The following TAFA1 variants were observed in gnomAD, a reference collection of about 807,000 sequenced individuals.
TAFA1 encodes TAFA chemokine like family member 1, also known as chemokine-like protein TAFA-1.
TAFA1 carries 4 observed loss-of-function variants against 18.5 expected under a neutral mutation model. That is an observed-to-expected ratio of 0.22 (90% CI 0.11 to 0.49). The LOEUF is 0.49. TAFA1 is among the 20% of genes least tolerant of loss of function. The pLI is 0.98. For missense variants in TAFA1, 147 were observed against 169.0 expected (o/e 0.87, Z 0.72); for synonymous variants, 56 against 55.2 (o/e 1.01, Z -0.06).
In TAFA1 at chr3:68,323,383, C is replaced by G. The variant is rs560373025; in HGVS notation, c.119-93897C>G. On this transcript the variant is annotated intron_variant, in intron 2 of 4. Transcript: ENST00000478136. ...GGTTGAGGAGTCAGGAAAGAGGAGC[C>G]AACACAAATGTAAAGGAAAGCTGAA... Among the ~76,000 whole-genome samples, 4 of 152,208 alleles carry G rather than the reference C, an allele frequency of 2.6e-5. No individual in the cohort carries two copies. In the South Asian group the frequency reaches 8.3e-4, roughly 32 times the overall value.
chr3:68,045,296 T>C (rs1167141926), intron 2 of TAFA1, among the ~76,000 whole-genome samples: 24 of 152,064 alleles, frequency 1.6e-4, no homozygotes, highest in Non-Finnish European at 2.6e-4. Context: ...CTATAATCCA[T>C]TGACCAAAAA....
chr3:68,131,191 T>C (rs1162960935), intron 2 of TAFA1, among the ~76,000 whole-genome samples: 2 of 152,196 alleles, frequency 1.3e-5, no homozygotes, highest in African/African-American at 4.8e-5. Flanking sequence ...AAACCATAGC[T>C]AGTAATGGCT....
intron 2 of TAFA1, among the ~76,000 whole-genome samples, chr3:68,096,231 C>G (rs2065085287): frequency 6.6e-6 from 1 of 152,092 alleles, no homozygotes; most frequent in Non-Finnish European, 1.5e-5. Flanking sequence ...ATCTCCAGTT[C>G]CATTCCCATT....
chr3:68,204,334 T>C (rs2066501663), intron 2 of TAFA1, among the ~76,000 whole-genome samples: 1 of 151,822 alleles, frequency 6.6e-6, no homozygotes, highest in Non-Finnish European at 1.5e-5. Flanking sequence ...TTAGGAACTT[T>C]TCATCTGGTA....
At chr3:68,375,871 T>C (rs1469600149) in intron 2 of TAFA1, among the ~76,000 whole-genome samples, 1 of 152,194 alleles carries the variant, frequency 6.6e-6, no homozygotes, top group East Asian at 1.9e-4. Context: ...AGAAAACCTC[T>C]GATTTTAGCT....
intron 2 of TAFA1, among the ~76,000 whole-genome samples, chr3:68,168,958 A>T (rs970050908): frequency 8.5e-5 from 13 of 152,212 alleles, no homozygotes; most frequent in Admixed American, 6.5e-4. Flanking sequence ...TTATTATTGG[A>T]ATGCATGCCA....
intron 2 of TAFA1, among the ~76,000 whole-genome samples, chr3:68,079,160 C>A (rs2064864551): frequency 6.6e-6 from 1 of 151,974 alleles, no homozygotes; most frequent in Non-Finnish European, 1.5e-5. Flanking sequence ...TGGTGATATC[C>A]CCTTTATCAT....
rs536998263 is a variant in TAFA1 at position 68,017,060 on chromosome 3, C to G, written c.118+10316C>G. On this transcript the variant is annotated intron_variant, in intron 2 of 4. Transcript: ENST00000478136. ...GAGAAATGGTAACTAGAGGTCAGCCCTTTATAAAAATTGCGACTTTAAAAA... is the reference window on the plus strand; with the variant it reads ...GAGAAATGGTAACTAGAGGTCAGCCGTTTATAAAAATTGCGACTTTAAAAA... Among the ~76,000 whole-genome samples, 7 of 152,102 alleles carry G rather than the reference C, an allele frequency of 4.6e-5. No homozygotes were observed. In the South Asian group the frequency reaches 1.5e-3, roughly 32 times the overall value.
At chr3:68,193,162 T>G (rs977753051) in intron 2 of TAFA1, among the ~76,000 whole-genome samples, 1 of 151,736 alleles carries the variant, frequency 6.6e-6, no homozygotes, top group Admixed American at 6.6e-5. Flanking sequence ...CAAAGTAAGT[T>G]GGGATAGCAG....
At chr3:68,446,146 G>A (rs963269824) in intron 3 of TAFA1, among the ~76,000 whole-genome samples, 2 of 151,944 alleles carry the variant, frequency 1.3e-5, no homozygotes, top group African/African-American at 4.8e-5. Context: ...GCCTCAAGAC[G>A]TCCTCCCACC....
At chr3:68,538,502 A>G (rs2073312300) in intron 3 of TAFA1, among the ~76,000 whole-genome samples, 1 of 152,220 alleles carries the variant, frequency 6.6e-6, no homozygotes, top group African/African-American at 2.4e-5. Flanking sequence ...TCTTACTGTC[A>G]TAATTTTGAA....
intron 2 of TAFA1, among the ~76,000 whole-genome samples, chr3:68,129,545 T>A (rs904383905): frequency 6.6e-6 from 1 of 152,232 alleles, no homozygotes; most frequent in Admixed American, 6.5e-5. Flanking sequence ...CTTTCCATTT[T>A]ATTCTGAGAC....
intron 2 of TAFA1, among the ~76,000 whole-genome samples, chr3:68,376,041 T>C (rs1038641952): frequency 2.0e-5 from 3 of 152,186 alleles, no homozygotes; most frequent in Non-Finnish European, 4.4e-5. Flanking sequence ...CTTTATCTAT[T>C]GTTTGTCTTT....
Position 68,024,834 on chromosome 3 carries a change from A to ACACACACACACACAC in TAFA1, c.118+18090_118+18091insCACACACACACACAC, listed in dbSNP as rs33967574. On this transcript the variant is annotated intron_variant, in intron 2 of 4. Transcript: ENST00000478136. ...ACACACACACACACACACACACACA[A>ACACACACACACACAC]TTATACATTGTTAAGGTATTTAACA... 1.6e-3 allele frequency among the ~76,000 whole-genome samples: 228 copies of ACACACACACACACAC among 139,494 alleles called. 1 individual carries two copies. Among genetic ancestry groups the ACACACACACACACAC allele is most frequent in the Admixed American group, 3.0e-3 (42 of 14,044 alleles). The allele number at this position is 139,494 out of a possible 152,430, so 91.5% of individuals were successfully genotyped here. A position where few individuals can be genotyped will look rare whatever the true frequency, so the allele number is the denominator to read the frequency against.
intron 2 of TAFA1, among the ~76,000 whole-genome samples, chr3:68,087,251 T>A (rs930958231): frequency 6.6e-6 from 1 of 152,278 alleles, no homozygotes; most frequent in African/African-American, 2.4e-5. Context: ...GGGAAATAGA[T>A]GTTAATTTGG....
At chr3:68,262,900 G>A (rs373126633) in intron 2 of TAFA1, among the ~76,000 whole-genome samples, 1 of 152,114 alleles carries the variant, frequency 6.6e-6, no homozygotes, top group South Asian at 2.1e-4. Flanking sequence ...AATGTTGTAC[G>A]CATTTTAAAT....
chr3:68,441,406 G>T (rs1490069350), intron 3 of TAFA1, among the ~76,000 whole-genome samples: 1 of 152,092 alleles, frequency 6.6e-6, no homozygotes, highest in East Asian at 1.9e-4. Context: ...TTAGAGCAAA[G>T]CCCTGCCATC....
intron 2 of TAFA1, among the ~76,000 whole-genome samples, chr3:68,261,013 C>A (rs1411079144): frequency 6.6e-6 from 1 of 151,906 alleles, no homozygotes; most frequent in Non-Finnish European, 1.5e-5. Context: ...ATTTTTGCAA[C>A]CTACTCATCT....
intron 2 of TAFA1, among the ~76,000 whole-genome samples, chr3:68,097,627 G>A (rs2065101195): frequency 6.6e-6 from 1 of 152,154 alleles, no homozygotes; most frequent in Non-Finnish European, 1.5e-5. Flanking sequence ...TCCCCTGCCT[G>A]TATGTGGCTT....
Sources: gnomAD v4.1 joint callset for allele counts (sites outside exome capture counted in the v4.1 genomes callset) on GRCh38, gnomAD v4.1.1 for gene constraint, MANE v1.5 for transcripts, NCBI Gene and HGNC (gene_info 2026-07-23, HGNC 2026-07-21) for gene names.